Variants in ITSN1 observed in about 807,000 individuals in gnomAD.
ITSN1 encodes intersectin 1, also known as intersectin-1.
A neutral mutation model predicts 239.8 loss-of-function variants in ITSN1; 58 were observed. The observed-to-expected ratio is 0.24, with a 90% CI of 0.20 to 0.30. ITSN1 has a LOEUF of 0.30. Among genes scored for constraint, ITSN1 ranks in the 10% least tolerant of loss-of-function variants. The pLI, the probability that ITSN1 is intolerant of heterozygous loss-of-function variation, is 1.00. For missense variants in ITSN1, 1,558 were observed against 2,103.3 expected, an observed-to-expected ratio of 0.74 and a Z score of 5.07; for synonymous variants, 780 against 770.8, an observed-to-expected ratio of 1.01 and a Z score of -0.20.
At chr21:33,705,034 C>T (rs1019220775) in intron 1 of ITSN1, among the ~76,000 whole-genome samples, 1 of 149,262 alleles carries the variant, frequency 6.7e-6, no homozygotes, top group Admixed American at 6.7e-5. Flanking sequence ...TGGCGTGAAC[C>T]TGGGAGGCAG....
intron 29 of ITSN1, among the ~76,000 whole-genome samples, chr21:33,839,762 G>A (rs2074759363): frequency 6.6e-6 from 1 of 152,164 alleles, no homozygotes; most frequent in South Asian, 2.1e-4. Context: ...AAGTTGACAT[G>A]GGTTGTTCCC....
intron 31 of ITSN1, among the ~76,000 whole-genome samples, chr21:33,858,994 G>C (rs1047250587): frequency 6.6e-6 from 1 of 151,776 alleles, no homozygotes; most frequent in African/African-American, 2.4e-5. Flanking sequence ...ATCTCTCATT[G>C]CAAGAGTAGG....
At chr21:33,676,036 G>GT (rs1008484292) in intron 1 of ITSN1, among the ~76,000 whole-genome samples, 1,698 of 141,930 alleles carry the variant, frequency 0.012, 16 homozygotes, top group African/African-American at 0.029. Context: ...CCTTTTTTTT[G>GT]TTTTTTTTTT....
chr21:33,669,499 G>A (rs2090132142), intron 1 of ITSN1, among the ~76,000 whole-genome samples: 1 of 151,260 alleles, frequency 6.6e-6, no homozygotes, highest in East Asian at 1.9e-4. Flanking sequence ...GAGTGTCGTG[G>A]TGCGATCTCG....
At chr21:33,704,145 A>AT (rs2092144883) in intron 1 of ITSN1, among the ~76,000 whole-genome samples, 1 of 152,004 alleles carries the variant, frequency 6.6e-6, no homozygotes, top group African/African-American at 2.4e-5. Flanking sequence ...TTTCTGTTAG[A>AT]TTTTCAAAAA....
chr21:33,886,481 TG>T (rs1985819467), intron 39 of ITSN1, 21 bp downstream of exon 39: 3 of 1,514,796 alleles, frequency 2.0e-6, no homozygotes, highest in Non-Finnish European at 2.7e-6. Flanking sequence ...CGCGGCCCTG[TG>T]GTTATTCCTC....
At chr21:33,729,543 T>C (rs2066039606) in intron 4 of ITSN1, among the ~76,000 whole-genome samples, 1 of 151,968 alleles carries the variant, frequency 6.6e-6, no homozygotes. Flanking sequence ...TTTAGGAGTT[T>C]ATTTTGCTAA....
intron 20 of ITSN1, among the ~76,000 whole-genome samples, chr21:33,806,274 G>A (rs1005387231): frequency 2.0e-4 from 31 of 152,096 alleles, no homozygotes; most frequent in African/African-American, 6.7e-4. Context: ...TTTCAAAACC[G>A]GCAAATCCAT....
At chr21:33,717,323 A>T (rs948193277) in intron 1 of ITSN1, among the ~76,000 whole-genome samples, 2 of 151,852 alleles carry the variant, frequency 1.3e-5, no homozygotes, top group African/African-American at 4.8e-5. Flanking sequence ...CAGCCTCCTG[A>T]GTAGCTGGGA....
intron 5 of ITSN1, among the ~76,000 whole-genome samples, chr21:33,742,708 C>T (rs2066939046): frequency 6.6e-6 from 1 of 152,044 alleles, no homozygotes; most frequent in Non-Finnish European, 1.5e-5. Context: ...GGAGTGGAAT[C>T]AAAATTGAGC....
At chr21:33,737,816 C>CA (rs1346862000) in intron 5 of ITSN1, among the ~76,000 whole-genome samples, 8 of 152,208 alleles carry the variant, frequency 5.3e-5, no homozygotes, top group Admixed American at 3.3e-4. Flanking sequence ...TCAGGTGATC[C>CA]ACCCACCTCA....
At chr21:33,755,008 T>C (rs944716023) in intron 7 of ITSN1, among the ~76,000 whole-genome samples, 11 of 152,192 alleles carry the variant, frequency 7.2e-5, no homozygotes, top group African/African-American at 2.7e-4. Context: ...TTTCATACTT[T>C]TATAGAACCT....
chr21:33,793,310 A>C (rs1004733130), intron 16 of ITSN1, among the ~76,000 whole-genome samples: 1 of 152,142 alleles, frequency 6.6e-6, no homozygotes, highest in Non-Finnish European at 1.5e-5. Flanking sequence ...GACAGGGCAA[A>C]TCTTAGTCCT....
Position 33,817,451 on chromosome 21 carries a change from C to G in ITSN1, c.2728-816C>G, listed in dbSNP as rs1435469336. On this transcript the variant is annotated intron_variant, in intron 22 of 39. Coordinates refer to ENST00000381318, the MANE Select transcript of ITSN1 (RefSeq NM_003024.3). ...CCCTCTGTGAAATTTACGCTGATGC[C>G]CCCAGGCAGAATTCATCCCTGTTTT... 3 of 1,304,414 alleles carry G rather than the reference C, an allele frequency of 2.3e-6. No homozygotes were observed. The South Asian group carries it at 3.7e-5, about 16-fold the overall frequency. The allele number at this position is 1,304,414 out of a possible 1,614,324, so 80.8% of individuals were successfully genotyped here.
chr21:33,881,134 A>G (rs1188922831), intron 34 of ITSN1, among the ~76,000 whole-genome samples: 2 of 152,134 alleles, frequency 1.3e-5, no homozygotes, highest in Non-Finnish European at 2.9e-5. Context: ...ACAGCTGGGT[A>G]TGGTGGCTCA....
intron 4 of ITSN1, among the ~76,000 whole-genome samples, chr21:33,723,749 G>A (rs903962606): frequency 2.0e-5 from 3 of 152,150 alleles, no homozygotes; most frequent in Admixed American, 2.0e-4. Flanking sequence ...AATAGGAATG[G>A]TTATAGTTTT....
intron 29 of ITSN1, among the ~76,000 whole-genome samples, chr21:33,855,345 C>A (rs1378525195): frequency 6.6e-6 from 1 of 152,252 alleles, no homozygotes; most frequent in Non-Finnish European, 1.5e-5. Context: ...GGGGACCACG[C>A]TTTGACAACC....
At chr21:33,771,901 A>G (rs573367445) in intron 11 of ITSN1, 160 bp from the exon 12 acceptor site, 1 of 709,530 alleles carries the variant, frequency 1.4e-6, no homozygotes, top group Non-Finnish European at 2.4e-6. Flanking sequence ...AGGTTAGGCA[A>G]AGGGGGTTTT....
At position 33,774,703 on chromosome 21, in the gene ITSN1, G is replaced by T. The variant is rs532742701; in HGVS notation, c.1306-26G>T. On this transcript the variant is annotated intron_variant, in intron 12 of 39. Coordinates refer to ENST00000381318, the MANE Select transcript of ITSN1 (RefSeq NM_003024.3). ...GTGTAGTGTAAGAACTGAAAAATTA[G>T]TAATTTGTCTCTGTAAATGTCACAG... is the stretch of plus-strand genomic sequence containing the variant. 77 of 1,601,180 alleles carry T rather than the reference G, an allele frequency of 4.8e-5. No individual in the cohort carries two copies. In the South Asian group the frequency reaches 7.7e-4, roughly 16 times the overall value.
Sources: gnomAD v4.1 joint callset for allele counts (sites outside exome capture counted in the v4.1 genomes callset) on GRCh38, gnomAD v4.1.1 for gene constraint, MANE v1.5 for transcripts, NCBI Gene and HGNC (gene_info 2026-07-23, HGNC 2026-07-21) for gene names.